ZNF385D: variants seen among roughly 807,000 people sequenced by gnomAD.
The protein encoded by ZNF385D is zinc finger protein 385D.
Under a neutral mutation model 35.8 loss-of-function variants are expected in ZNF385D, and 15 were observed. That is an observed-to-expected ratio of 0.42 (90% CI 0.28 to 0.64). The LOEUF (loss-of-function observed/expected upper bound fraction) is 0.64. ZNF385D is among the 30% of genes least tolerant of loss of function. The probability of loss-of-function intolerance (pLI) is 0.23; values close to 1 mark genes in which losing one functional copy is unlikely to be tolerated. For missense variants in ZNF385D, 474 were observed against 494.6 expected (o/e 0.96, Z 0.39); for synonymous variants, 212 against 186.8 (o/e 1.13, Z -1.10).
chr3:21,450,331 T>C (rs909939223), intron 4 of ZNF385D, among the ~76,000 whole-genome samples: 9 of 152,146 alleles, frequency 5.9e-5, no homozygotes, highest in African/African-American at 1.9e-4. Context: ...TTTCTTCAAA[T>C]TGCCCATTCT....
At chr3:21,978,748 C>A (rs1290717587) in intron 3 of ZNF385D, among the ~76,000 whole-genome samples, 1 of 151,840 alleles carries the variant, frequency 6.6e-6, no homozygotes, top group Non-Finnish European at 1.5e-5. Context: ...CAAATTAACA[C>A]CTTGAAAAGT....
At chr3:22,120,050 G>A (rs1343372624) in intron 3 of ZNF385D, among the ~76,000 whole-genome samples, 1 of 140,292 alleles carries the variant, frequency 7.1e-6, no homozygotes, top group Non-Finnish European at 1.5e-5. Flanking sequence ...GATTAGTCTT[G>A]AAGTCCTAGT....
At chr3:21,613,875 A>AT (rs529507791) in intron 2 of ZNF385D, among the ~76,000 whole-genome samples, 113 of 152,210 alleles carry the variant, frequency 7.4e-4, no homozygotes, top group Non-Finnish European at 1.2e-3. Flanking sequence ...GTGCAGAAAC[A>AT]TTTGCTGGCT....
At chr3:22,140,290 T>A (rs934183891) in intron 3 of ZNF385D, among the ~76,000 whole-genome samples, 3 of 152,174 alleles carry the variant, frequency 2.0e-5, no homozygotes, top group African/African-American at 7.2e-5. Flanking sequence ...GATCTTAAAT[T>A]CATAATGCTG....
At chr3:22,187,806 T>C (rs370036249) in intron 2 of ZNF385D, among the ~76,000 whole-genome samples, 2 of 152,296 alleles carry the variant, frequency 1.3e-5, no homozygotes, top group African/African-American at 4.8e-5. Flanking sequence ...TCCACAATAA[T>C]GTAGAGTTGT....
intron 3 of ZNF385D, among the ~76,000 whole-genome samples, chr3:22,139,863 A>C (rs1336688180): frequency 6.6e-6 from 1 of 152,208 alleles, no homozygotes; most frequent in Non-Finnish European, 1.5e-5. Context: ...GTTATTTGGA[A>C]AATGTAAATA....
chr3:21,576,929 C>G (rs1310708653), intron 2 of ZNF385D, among the ~76,000 whole-genome samples: 1 of 152,024 alleles, frequency 6.6e-6, no homozygotes, highest in East Asian at 1.9e-4. Context: ...TATTTTGATA[C>G]CTTTATACGA....
intron 3 of ZNF385D, among the ~76,000 whole-genome samples, chr3:22,077,322 C>T (rs1379247693): frequency 6.6e-6 from 1 of 151,772 alleles, no homozygotes; most frequent in Non-Finnish European, 1.5e-5. Context: ...CTAGTTTTAC[C>T]ACTGTCAAAA....
At chr3:22,112,361 C>T (rs1257669432) in intron 3 of ZNF385D, among the ~76,000 whole-genome samples, 2 of 152,036 alleles carry the variant, frequency 1.3e-5, no homozygotes, top group Non-Finnish European at 2.9e-5. Flanking sequence ...CATAGTCCTC[C>T]AACCATCAGA....
chr3:22,325,946 T>C (rs564939086), intron 2 of ZNF385D, among the ~76,000 whole-genome samples: 11 of 152,178 alleles, frequency 7.2e-5, no homozygotes, highest in South Asian at 2.1e-4. Context: ...TCATTATCCA[T>C]CTCTTTCCCC....
At chr3:22,109,645 T>C (rs1176990153) in intron 3 of ZNF385D, among the ~76,000 whole-genome samples, 1 of 152,152 alleles carries the variant, frequency 6.6e-6, no homozygotes, top group Non-Finnish European at 1.5e-5. Context: ...TTTCTAGGTC[T>C]CTAAGGACTT....
chr3:22,072,191 C>T (rs905892671), intron 3 of ZNF385D, among the ~76,000 whole-genome samples: 1 of 152,008 alleles, frequency 6.6e-6, no homozygotes, highest in Non-Finnish European at 1.5e-5. Context: ...CTAAAGCCAT[C>T]CTGTGGCAAG....
chr3:22,320,487 G>A (rs1451780680), intron 2 of ZNF385D, among the ~76,000 whole-genome samples: 1 of 151,466 alleles, frequency 6.6e-6, no homozygotes, highest in East Asian at 1.9e-4. Flanking sequence ...TCTGAAGGTG[G>A]TCACAATTTT....
intron 3 of ZNF385D, among the ~76,000 whole-genome samples, chr3:22,024,047 C>G (rs1171894694): frequency 6.6e-6 from 1 of 152,114 alleles, no homozygotes; most frequent in African/African-American, 2.4e-5. Context: ...CTGGGAAAGG[C>G]AGACCCACCC....
chr3:22,364,099 C>T (rs1696541114), intron 2 of ZNF385D, among the ~76,000 whole-genome samples: 1 of 152,034 alleles, frequency 6.6e-6, no homozygotes, highest in Admixed American at 6.6e-5. Flanking sequence ...ATTTCATAAT[C>T]ATTCTAGGCT....
rs1006362754 is a variant in ZNF385D at position 21,699,823 on chromosome 3, CTT to C, written c.23-34797_23-34796del. ...TGTGGTTCATGTTATGTTTCTTTTC[CTT>C]TTTTTTTTTTTTTTTTTTTTTTTGA... is the stretch of plus-strand genomic sequence containing the variant. On this transcript the variant is annotated intron_variant, in intron 1 of 7. Transcript: ENST00000281523. 7.5e-4 allele frequency among the ~76,000 whole-genome samples: 67 copies of C among 88,898 alleles called. 1 individual carries two copies. Among genetic ancestry groups the C allele is most frequent in the African/African-American group, 2.6e-3 (54 of 20,666 alleles). The allele number at this position is 88,898 out of a possible 152,430, so 58.3% of individuals were successfully genotyped here. A position where few individuals can be genotyped will look rare whatever the true frequency, so the allele number is the denominator to read the frequency against.
intron 2 of ZNF385D, among the ~76,000 whole-genome samples, chr3:22,234,057 T>C (rs1008791686): frequency 2.2e-4 from 34 of 152,134 alleles, no homozygotes; most frequent in African/African-American, 7.5e-4. Context: ...TCTCTGGCAA[T>C]TTTACAGTCA....
At chr3:21,992,400 T>G (rs924945701) in intron 3 of ZNF385D, among the ~76,000 whole-genome samples, 1 of 151,998 alleles carries the variant, frequency 6.6e-6, no homozygotes, top group African/African-American at 2.4e-5. Flanking sequence ...CTGGAGGAGG[T>G]AGAATAACCG....
rs555585307 is a variant in ZNF385D at position 22,122,678 on chromosome 3, G to A, written c.325+46139C>T. On this transcript the variant is annotated intron_variant, in intron 3 of 5. Coordinates refer to the ZNF385D transcript ENST00000494108. The stretch of plus-strand genomic sequence containing the variant: ...TCTATGGAAGAAAGAAGAACAGAGA[G>A]TATATATATGGGGGAGGTAACAATT... Among the ~76,000 whole-genome samples the A allele has an allele frequency of 3.3e-5, 5 of 152,254 alleles. No homozygotes were observed. The South Asian group carries it at 1.0e-3, about 32-fold the overall frequency.
Sources: allele counts gnomAD v4.1 joint callset (sites outside exome capture counted in the v4.1 genomes callset), GRCh38; gene constraint gnomAD v4.1.1; transcripts MANE v1.5; gene names NCBI Gene and HGNC (gene_info 2026-07-23, HGNC 2026-07-21).